FOXP1: variants seen among roughly 807,000 people sequenced by gnomAD.
FOXP1 encodes forkhead box P1.
Under a neutral mutation model 98.2 loss-of-function variants are expected in FOXP1, and 15 were observed. The observed-to-expected ratio is 0.15, with a 90% CI of 0.10 to 0.24. The LOEUF (loss-of-function observed/expected upper bound fraction) is 0.24. Ranked by LOEUF, FOXP1 falls within the 10% of genes least tolerant of loss-of-function variation. The pLI is 1.00. For synonymous variants in FOXP1, 371 were observed against 314.5 expected, an observed-to-expected ratio of 1.18 and a Z score of -1.90; for missense variants, 633 against 848.5, an observed-to-expected ratio of 0.75 and a Z score of 3.15.
At chr3:71,568,955 G>A (rs1224368774) in intron 2 of FOXP1, among the ~76,000 whole-genome samples, 2 of 152,116 alleles carry the variant, frequency 1.3e-5, no homozygotes, top group African/African-American at 4.8e-5. Context: ...CCTGTTCTCT[G>A]AATTTTCAAA....
At chr3:71,383,965 C>T (rs1172291028) in intron 3 of FOXP1, among the ~76,000 whole-genome samples, 1 of 152,144 alleles carries the variant, frequency 6.6e-6, no homozygotes, top group Non-Finnish European at 1.5e-5. Flanking sequence ...CGCCTGTAAT[C>T]CCAGCACTTT....
At chr3:71,501,987 G>A (rs577650577) in intron 2 of FOXP1, among the ~76,000 whole-genome samples, 33 of 152,304 alleles carry the variant, frequency 2.2e-4, no homozygotes, top group African/African-American at 7.0e-4. Flanking sequence ...GCACGACAGC[G>A]CCTGGAACAC....
chr3:71,116,339 A>G (rs1258284861), intron 6 of FOXP1, among the ~76,000 whole-genome samples: 6 of 152,190 alleles, frequency 3.9e-5, no homozygotes, highest in Admixed American at 3.9e-4. Flanking sequence ...CCAAGATACA[A>G]GCACGGGGGG....
chr3:71,290,740 C>T (rs562059782), intron 5 of FOXP1, among the ~76,000 whole-genome samples: 2 of 152,236 alleles, frequency 1.3e-5, no homozygotes, highest in East Asian at 1.9e-4. Context: ...AAAAGTGCTC[C>T]GAAATCCAAA....
At chr3:71,437,621 T>C (rs983055768) in intron 3 of FOXP1, among the ~76,000 whole-genome samples, 1 of 151,978 alleles carries the variant, frequency 6.6e-6, no homozygotes, top group Non-Finnish European at 1.5e-5. Flanking sequence ...AAGAAGAAGG[T>C]ATCACAGACA....
At chr3:71,517,731 A>G (rs958300471) in intron 2 of FOXP1, among the ~76,000 whole-genome samples, 1 of 152,070 alleles carries the variant, frequency 6.6e-6, no homozygotes, top group African/African-American at 2.4e-5. Context: ...CCTTCATTTC[A>G]TTAGTTACAT....
At chr3:71,162,975 A>G (rs1183735199) in intron 6 of FOXP1, among the ~76,000 whole-genome samples, 1 of 152,222 alleles carries the variant, frequency 6.6e-6, no homozygotes, top group African/African-American at 2.4e-5. Context: ...AGATGTATCA[A>G]TGCAACAGAA....
intron 14 of FOXP1, among the ~76,000 whole-genome samples, chr3:70,981,194 A>C (rs1407597219): frequency 4.6e-5 from 3 of 64,760 alleles, no homozygotes; most frequent in Admixed American, 3.4e-4. Flanking sequence ...TTTCTACCAA[A>C]AAAAAAAAAA....
intron 3 of FOXP1, among the ~76,000 whole-genome samples, chr3:71,451,744 G>T (rs574329469): frequency 6.6e-6 from 1 of 152,258 alleles, no homozygotes; most frequent in East Asian, 1.9e-4. Flanking sequence ...ACATCAAGTG[G>T]CCATCCCCTA....
chr3:71,348,530 T>C (rs1223108763), intron 4 of FOXP1, among the ~76,000 whole-genome samples: 6 of 126,878 alleles, frequency 4.7e-5, no homozygotes, highest in African/African-American at 1.4e-4. Flanking sequence ...TGCGTGTGTG[T>C]GTGTGTGTGT....
intron 4 of FOXP1, among the ~76,000 whole-genome samples, chr3:71,307,219 T>G (rs746209685): frequency 6.6e-6 from 1 of 152,206 alleles, no homozygotes; most frequent in Non-Finnish European, 1.5e-5. Context: ...CTAAAAAGGA[T>G]AGGTCACAGA....
chr3:71,479,539 C>T (rs538388983), intron 3 of FOXP1, among the ~76,000 whole-genome samples: 22 of 151,818 alleles, frequency 1.4e-4, no homozygotes, highest in South Asian at 8.3e-4. Context: ...ATTAGCCAGG[C>T]GTGGTGGCGG....
At chr3:71,104,439 A>G (rs1300593273) in intron 7 of FOXP1, among the ~76,000 whole-genome samples, 2 of 152,204 alleles carry the variant, frequency 1.3e-5, no homozygotes, top group Non-Finnish European at 2.9e-5. Context: ...TTCGTTAAGA[A>G]GAATCACTTC....
intron 19 of FOXP1, 183 bp downstream of exon 19, chr3:70,970,553 T>A (rs903163337): frequency 1.6e-6 from 1 of 624,698 alleles, no homozygotes; most frequent in South Asian, 1.9e-5. Context: ...ATGCTAAGCA[T>A]CCCGCTAACG....
At chr3:71,551,705 G>T (rs2045792240) in intron 2 of FOXP1, among the ~76,000 whole-genome samples, 1 of 152,186 alleles carries the variant, frequency 6.6e-6, no homozygotes, top group Non-Finnish European at 1.5e-5. Flanking sequence ...ATAGAGACAG[G>T]ATCATTGCCA....
intron 1 of FOXP1, chr3:71,581,996 GAT>G: frequency 3.1e-6 from 3 of 961,058 alleles, no homozygotes; most frequent in Non-Finnish European, 3.7e-6. Flanking sequence ...GTGGGATGGG[GAT>G]ACGATCACGG....
intron 2 of FOXP1, among the ~76,000 whole-genome samples, chr3:71,564,076 A>G (rs1387131751): frequency 6.6e-6 from 1 of 152,236 alleles, no homozygotes; most frequent in Non-Finnish European, 1.5e-5. Context: ...CTAATTTCAG[A>G]AGCAAATAAA....
chr3:71,008,954 A>G (rs2043154163), intron 12 of FOXP1, among the ~76,000 whole-genome samples: 1 of 151,956 alleles, frequency 6.6e-6, no homozygotes, highest in Non-Finnish European at 1.5e-5. Context: ...CACAGTATTG[A>G]CAGATGGGAT....
intron 5 of FOXP1, among the ~76,000 whole-genome samples, chr3:71,268,160 G>C (rs1468176509): frequency 7.5e-6 from 1 of 133,406 alleles, no homozygotes; most frequent in Non-Finnish European, 1.5e-5. Context: ...GCACGATCTC[G>C]GCTCACTGCA....
Sources: allele counts gnomAD v4.1 joint callset (sites outside exome capture counted in the v4.1 genomes callset), GRCh38; gene constraint gnomAD v4.1.1; transcripts MANE v1.5; gene names NCBI Gene and HGNC (gene_info 2026-07-23, HGNC 2026-07-21).